R3HCC1L: variants seen among roughly 807,000 people sequenced by gnomAD.
R3HCC1L encodes the protein coiled-coil domain-containing protein R3HCC1L.
Under a neutral mutation model 59.9 loss-of-function variants are expected in R3HCC1L, and 51 were observed. The ratio of observed to expected loss-of-function variants is 0.85; its 90% CI spans 0.68 to 1.07. The LOEUF (loss-of-function observed/expected upper bound fraction) is 1.07, where lower values mean the gene tolerates loss of function less well. Among genes scored for constraint, R3HCC1L ranks in the 50% least tolerant of loss-of-function variants. The pLI is 0.00. For synonymous variants in R3HCC1L, 322 were observed against 315.2 expected (o/e 1.02, Z -0.23); for missense variants, 965 against 933.0 (o/e 1.03, Z -0.45).
chr10:98,179,323 T>C (rs1849383514), intron 4 of R3HCC1L, among the ~76,000 whole-genome samples: 2 of 152,328 alleles, frequency 1.3e-5, no homozygotes, highest in African/African-American at 4.8e-5. Flanking sequence ...GAGATAATCA[T>C]GTGGTTTTTG....
chr10:98,234,827 AT>A lies in R3HCC1L; in HGVS notation c.2032+321del, dbSNP rs545157300. 1.7e-3 allele frequency among the ~76,000 whole-genome samples: 262 copies of A among 150,584 alleles called. 1 individual carries two copies. The highest frequency in any genetic ancestry group is 5.5e-3 in the African/African-American group (225 of 41,066). Reference sequence around the variant, plus strand: ...CAATGGGGCTCTTAAAATATTGGTGATTTTTTTTTTCCATCCTAGACAAGTG... The same window carrying A: ...CAATGGGGCTCTTAAAATATTGGTGATTTTTTTTTCCATCCTAGACAAGTG... On this transcript the variant is annotated intron_variant, in intron 7 of 9. Coordinates refer to ENST00000298999, the MANE Select transcript of R3HCC1L (RefSeq NM_001351015.2).
chr10:98,144,467 G>A (rs910017475), intron 1 of R3HCC1L, among the ~76,000 whole-genome samples: 14 of 152,234 alleles, frequency 9.2e-5, no homozygotes, highest in African/African-American at 3.4e-4. Flanking sequence ...GCCCACCTCC[G>A]CCTCCCAAAG....
At chr10:98,189,140 CTG>C (rs1410088734) in intron 4 of R3HCC1L, among the ~76,000 whole-genome samples, 8 of 152,144 alleles carry the variant, frequency 5.3e-5, no homozygotes, top group Non-Finnish European at 2.9e-5. Context: ...TTTGGACACT[CTG>C]GAATTTGCAT....
At chr10:98,154,182 C>CAAAAA (rs61379048) in intron 1 of R3HCC1L, among the ~76,000 whole-genome samples, 33 of 92,826 alleles carry the variant, frequency 3.6e-4, no homozygotes, top group South Asian at 7.9e-4. Context: ...AGAGAATAAG[C>CAAAAA]AAAAAAAAAA....
intron 1 of R3HCC1L, among the ~76,000 whole-genome samples, chr10:98,142,925 ACT>A (rs1298900380): frequency 2.0e-5 from 3 of 151,988 alleles, no homozygotes; most frequent in African/African-American, 7.2e-5. Flanking sequence ...ACAGAGTAAG[ACT>A]CTGTCTCCAA....
At chr10:98,171,958 A>C (rs914267677) in intron 4 of R3HCC1L, among the ~76,000 whole-genome samples, 1 of 152,210 alleles carries the variant, frequency 6.6e-6, no homozygotes, top group African/African-American at 2.4e-5. Context: ...ATTATGTTTA[A>C]TATGTATGCA....
At chr10:98,211,363 T>C (rs1853553803) in intron 5 of R3HCC1L, 1 of 1,529,676 alleles carries the variant, frequency 6.5e-7, no homozygotes, top group Non-Finnish European at 8.7e-7. Context: ...TACACTTAAA[T>C]CTATATCAGA....
chr10:98,158,251 C>T (rs932057471), intron 2 of R3HCC1L, among the ~76,000 whole-genome samples: 1 of 151,946 alleles, frequency 6.6e-6, no homozygotes, highest in African/African-American at 2.4e-5. Flanking sequence ...TATTTTGTTC[C>T]TTCCCCCATT....
At chr10:98,165,504 C>T (rs747385539) in intron 4 of R3HCC1L, among the ~76,000 whole-genome samples, 3 of 152,162 alleles carry the variant, frequency 2.0e-5, no homozygotes, top group Admixed American at 6.5e-5. Flanking sequence ...GACAAATGTA[C>T]ATCTTGTTAT....
intron 5 of R3HCC1L, among the ~76,000 whole-genome samples, chr10:98,222,346 C>G (rs1011336243): frequency 1.6e-4 from 25 of 151,958 alleles, no homozygotes; most frequent in Non-Finnish European, 2.5e-4. Flanking sequence ...TTGACTTCCT[C>G]TTTTCCTAAT....
Position 98,208,231 on chromosome 10 carries a change from CTG to C in R3HCC1L, c.120_121del (p.Cys40TrpfsTer4). 6.2e-7 allele frequency: 1 copy of C among 1,614,038 alleles called. No homozygotes were observed. The highest frequency in any genetic ancestry group is 8.5e-7 in the Non-Finnish European group (1 of 1,180,000). The part of the protein sequence containing the change: ...LLKTGDEEES[C>X]GSPNSVVKEK... ...TTAAGACAGGTGATGAAGAAGAAAGCTGTGGTTCACCTAACTCTGTGGTGAAA... is the reference window on the plus strand; with the variant it reads ...TTAAGACAGGTGATGAAGAAGAAAGCTGGTTCACCTAACTCTGTGGTGAAA... On this transcript the variant is annotated frameshift_variant, in exon 5 of 10. Coordinates refer to ENST00000298999, the MANE Select transcript of R3HCC1L (RefSeq NM_001351015.2). LOFTEE classifies it high-confidence loss of function.
chr10:98,175,739 C>A (rs988175858), intron 4 of R3HCC1L, among the ~76,000 whole-genome samples: 11 of 151,972 alleles, frequency 7.2e-5, no homozygotes, highest in African/African-American at 2.7e-4. Flanking sequence ...TTTTAAAATT[C>A]TCTTACATGT....
chr10:98,159,970 C>T (rs181605762), intron 2 of R3HCC1L, among the ~76,000 whole-genome samples: 5 of 152,310 alleles, frequency 3.3e-5, no homozygotes, highest in Admixed American at 3.3e-4. Context: ...TGTGTGCACA[C>T]ACTAGTACAT....
intron 8 of R3HCC1L, among the ~76,000 whole-genome samples, chr10:98,235,797 G>A (rs992796223): frequency 1.3e-5 from 2 of 152,212 alleles, no homozygotes; most frequent in African/African-American, 2.4e-5. Context: ...TTAGCTGCCT[G>A]ATAGAGTCAC....
At chr10:98,149,947 A>G (rs569693302) in intron 1 of R3HCC1L, among the ~76,000 whole-genome samples, 2 of 152,212 alleles carry the variant, frequency 1.3e-5, no homozygotes, top group East Asian at 3.9e-4. Flanking sequence ...ATTGCAGTCT[A>G]TCTCTCCCTT....
At chr10:98,210,992 A>G (rs1299776889) in intron 5 of R3HCC1L, among the ~76,000 whole-genome samples, 1 of 152,192 alleles carries the variant, frequency 6.6e-6, no homozygotes, top group Non-Finnish European at 1.5e-5. Flanking sequence ...CATTCGTGGG[A>G]GCTGTTTGCA....
At chr10:98,156,053 T>A (rs1846837483) in intron 1 of R3HCC1L, 40 bp from the exon 2 acceptor site, 1 of 142,834 alleles carries the variant, frequency 7.0e-6, no homozygotes, top group African/African-American at 2.5e-5. Flanking sequence ...TCAGTTTGAA[T>A]TTTTTTTTTT....
intron 5 of R3HCC1L, among the ~76,000 whole-genome samples, chr10:98,212,200 A>G (rs998868876): frequency 2.0e-5 from 3 of 152,226 alleles, no homozygotes; most frequent in African/African-American, 7.2e-5. Flanking sequence ...TCACAAATCC[A>G]GCAACATTAA....
intron 4 of R3HCC1L, among the ~76,000 whole-genome samples, chr10:98,190,620 ATAG>A (rs1435663684): frequency 1.2e-4 from 18 of 152,326 alleles, no homozygotes; most frequent in African/African-American, 4.3e-4. Context: ...ATTAAAAGTA[ATAG>A]TAGTGCATAT....
Sources: gnomAD v4.1 joint callset for allele counts (sites outside exome capture counted in the v4.1 genomes callset) on GRCh38, gnomAD v4.1.1 for gene constraint, MANE v1.5 for transcripts, NCBI Gene and HGNC (gene_info 2026-07-23, HGNC 2026-07-21) for gene names.